The following CHRD variants were observed in gnomAD, a reference collection of about 807,000 sequenced individuals.
CHRD encodes the protein chordin.
CHRD carries 69 observed loss-of-function variants against 113.7 expected under a neutral mutation model. The observed-to-expected ratio is 0.61, with a 90% CI of 0.50 to 0.74. The LOEUF is 0.74. Among genes scored for constraint, CHRD ranks in the 30% least tolerant of loss-of-function variants. The pLI is 0.00. For missense variants in CHRD, 1,194 were observed against 1,295.8 expected, an observed-to-expected ratio of 0.92 and a Z score of 1.21; for synonymous variants, 561 against 540.8, an observed-to-expected ratio of 1.04 and a Z score of -0.52.
Position 184,387,023 on chromosome 3 carries a change from T to A in CHRD, c.2291-28T>A, listed in dbSNP as rs1560311546. ...GGAGGGAATGAGGGTGGTCACTCTC[T>A]GCTTTCACCATTTCTTTGGCTCCAC... On this transcript the variant is annotated intron_variant, in intron 17 of 22. Transcript: ENST00000204604. The surrounding 1 kb of genome is among the most constrained non-coding windows in gnomAD (Gnocchi z 6.1). The A allele has an allele frequency of 6.2e-7, 1 of 1,614,070 alleles. No homozygotes were observed. Among genetic ancestry groups the A allele is most frequent in the Non-Finnish European group, 8.5e-7 (1 of 1,179,920 alleles).
In CHRD at chr3:184,388,505, AACGTG is replaced by A; in HGVS notation, c.2555-81_2555-77del. On this transcript the variant is annotated intron_variant, in intron 20 of 22. Transcript: ENST00000204604. This position sits in a 1 kb window ranked among gnomAD's most constrained non-coding sequence, Gnocchi z 6.1. The stretch of plus-strand genomic sequence containing the variant: ...TCACCTACTAAGTGCCAGAAACTGC[AACGTG>A]CTGGGTATTCAAAGAGAATACTCAT... 1 of 1,476,946 alleles carries A rather than the reference AACGTG, an allele frequency of 6.8e-7. No homozygotes were observed. Among genetic ancestry groups the A allele is most frequent in the Admixed American group, 2.2e-5 (1 of 46,280 alleles). 91.5% of individuals were successfully genotyped at this position (1,476,946 alleles called of 1,614,324 possible).
chr3:184,386,011 G>A (rs765577055), intron 14 of CHRD, 35 bp from the exon 15 acceptor site: 1 of 1,606,314 alleles, frequency 6.2e-7, no homozygotes, highest in Non-Finnish European at 8.5e-7. Flanking sequence ...GCCCTAAAGT[G>A]CCTTATTCCT....
chr3:184,380,616 G>GC lies in CHRD; in HGVS notation c.149-76_149-75insC. 1 of 1,246,846 alleles carries GC rather than the reference G, an allele frequency of 8.0e-7. No individual in the cohort carries two copies. The highest frequency in any genetic ancestry group is 1.0e-6 in the Non-Finnish European group (1 of 959,046). The allele number at this position is 1,246,846 out of a possible 1,614,324, so 77.2% of individuals were successfully genotyped here. A position where few individuals can be genotyped will look rare whatever the true frequency, so the allele number is the denominator to read the frequency against. On this transcript the variant is annotated intron_variant, in intron 1 of 22. Transcript: ENST00000204604. The surrounding 1 kb of genome is among the most constrained non-coding windows in gnomAD (Gnocchi z 6.3). ...CAGAAGGGCGCGGTGCCTGGGACCC[G>GC]GGACCCGCGGGCAGCCCCCGGGGCG... is the stretch of plus-strand genomic sequence containing the variant.
In CHRD at chr3:184,381,205, A is replaced by G. The variant is rs368192345; in HGVS notation, c.253-30A>G. On this transcript the variant is annotated intron_variant, in intron 2 of 22. Transcript: ENST00000204604. This position sits in a 1 kb window ranked among gnomAD's most constrained non-coding sequence, Gnocchi z 4.7. ...TCTCATCAGTTGGCATCTTGCACTC[A>G]CTTGGGTTTCCCGCCTTTTCCGGGA... The G allele has an allele frequency of 6.2e-7, 1 of 1,612,210 alleles. No individual in the cohort carries two copies. The highest frequency in any genetic ancestry group is 1.3e-5 in the African/African-American group (1 of 74,870).
rs1423789540 is a variant in CHRD, at chr3:184,388,926, T to C, written c.2743T>C (p.Ser915Pro). 4 of 1,613,306 alleles carry C rather than the reference T, an allele frequency of 2.5e-6. No individual in the cohort carries two copies. Among genetic ancestry groups the C allele is most frequent in the East Asian group, 4.5e-5 (2 of 44,886 alleles). ...GCCTCACTGTGAGCGGGATGACTGT[T>C]CACTGCCACTGTCCTGTGGCTCGGG... is the stretch of plus-strand genomic sequence containing the variant. Residue 915 changes from serine (S) to proline (P), a missense_variant, in exon 22 of 23, where the codon TCA (serine) becomes CCA (proline). By Grantham distance (74) the Ser-to-Pro change is moderately conservative. Coordinates refer to ENST00000204604, the Ensembl canonical transcript of CHRD. This position sits in a 1 kb window ranked among gnomAD's most constrained non-coding sequence, Gnocchi z 6.1.
Position 184,388,919 on chromosome 3 carries a change from T to G in CHRD, c.2736T>G (p.Asp912Glu), listed in dbSNP as rs1170303333. Residue 912 changes from aspartate (D) to glutamate (E), a missense_variant, in exon 22 of 23, where the codon GAT (aspartate) becomes GAG (glutamate). By Grantham distance (45) the Asp-to-Glu change is conservative. Transcript: ENST00000204604. The surrounding 1 kb of genome is among the most constrained non-coding windows in gnomAD (Gnocchi z 6.1). Reference sequence around the variant, plus strand: ...CAGGGGTGCCTCACTGTGAGCGGGATGACTGTTCACTGCCACTGTCCTGTG... The same window carrying G: ...CAGGGGTGCCTCACTGTGAGCGGGAGGACTGTTCACTGCCACTGTCCTGTG... 1.9e-6 allele frequency: 3 copies of G among 1,613,304 alleles called. No individual in the cohort carries two copies. The Admixed American group carries it at 5.0e-5, about 27-fold the overall frequency.
rs148262081 is a variant in CHRD at position 184,383,628 on chromosome 3, C to T, written c.1426C>T (p.Pro476Ser). Residue 476 changes from proline to serine, a missense_variant, in exon 12 of 23, where the codon CCA becomes TCA. Transcript: ENST00000204604. ...CCTGTGCCACATGGCTGGACTCCAG[C>T]CAGGAGGACACACGGTGAGGGCTCC... 585 of 1,611,500 alleles carry T rather than the reference C, an allele frequency of 3.6e-4. 2 individuals are homozygous for T. In the African/African-American group the frequency reaches 7.1e-3, roughly 19 times the overall value.
In CHRD at chr3:184,381,317, G is replaced by T; in HGVS notation, c.335G>T (p.Gly112Val). ...CCAGAGTGCCCAACCCCGGCCTGTG[G>T]GCAGCCGCGCCAGCTGCCGGGACAC... The change falls in exon 3 of 23, where the codon GGG becomes GTG. Residue 112 changes from glycine to valine, a missense_variant. Physicochemically the swap from Gly to Val is moderately radical, Grantham distance 109 (BLOSUM62 -3). Coordinates refer to ENST00000204604, the Ensembl canonical transcript of CHRD. The surrounding 1 kb of genome is among the most constrained non-coding windows in gnomAD (Gnocchi z 4.7). The T allele has an allele frequency of 6.2e-7, 1 of 1,609,144 alleles. No individual in the cohort carries two copies. Among genetic ancestry groups the T allele is most frequent in the Non-Finnish European group, 8.5e-7 (1 of 1,178,302 alleles).
intron 14 of CHRD, among the ~76,000 whole-genome samples, chr3:184,385,453 G>A (rs1716127572): frequency 6.6e-6 from 1 of 152,070 alleles, no homozygotes; most frequent in Non-Finnish European, 1.5e-5. Context: ...GATCACCTGA[G>A]GTAGGAAGCT....
Position 184,387,552 on chromosome 3 carries a change from GA to G in CHRD, c.2451+77del. The G allele has an allele frequency of 7.3e-7, 1 of 1,362,972 alleles. No individual in the cohort carries two copies. The highest frequency in any genetic ancestry group is 9.9e-7 in the Non-Finnish European group (1 of 1,008,424). The allele number at this position is 1,362,972 out of a possible 1,614,324, so 84.4% of individuals were successfully genotyped here. The stretch of plus-strand genomic sequence containing the variant: ...AGATGGGGAGGGGCTGCCAGGTGAG[GA>G]AGGCCCGTCCTTGGTGAGGAGGGCT... On this transcript the variant is annotated intron_variant, in intron 19 of 22. Coordinates refer to ENST00000204604, the Ensembl canonical transcript of CHRD. This position sits in a 1 kb window ranked among gnomAD's most constrained non-coding sequence, Gnocchi z 6.1.
Position 184,388,898 on chromosome 3 carries a change from G to A in CHRD, c.2715G>A (p.Gly905=). 2 of 1,612,826 alleles carry A rather than the reference G, an allele frequency of 1.2e-6. No individual in the cohort carries two copies. Among genetic ancestry groups the A allele is most frequent in the Non-Finnish European group, 8.5e-7 (1 of 1,179,474 alleles). Residue 905 remains glycine (G), a synonymous_variant, in exon 22 of 23, where the codon GGG becomes GGA. Coordinates refer to ENST00000204604, the Ensembl canonical transcript of CHRD. This position sits in a 1 kb window ranked among gnomAD's most constrained non-coding sequence, Gnocchi z 6.1. ...TCTGCTCTGTCTTGTACCAGGCAGG[G>A]GTGCCTCACTGTGAGCGGGATGACT...
exon 10 of CHRD, chr3:184,383,155 G>A (rs372119331): frequency 6.3e-7 from 1 of 1,595,830 alleles, no homozygotes; most frequent in African/African-American, 1.4e-5. Flanking sequence ...GCCAGGAAGA[G>A]CTGCGACGGT....
At chr3:184,382,932 A>G in exon 9 of CHRD, 1 of 1,614,044 alleles carries the variant, frequency 6.2e-7, no homozygotes, top group Non-Finnish European at 8.5e-7. Context: ...CCAATGTCTC[A>G]GCCCAGGTGA....
In CHRD at chr3:184,380,924, G is replaced by C. The variant is rs1715255704; in HGVS notation, c.252+129G>C. ...AGATGTTGGGGATATTTTTCTGGTG[G>C]AGGAAGGGGAATCAGCCCCTCCAAT... On this transcript the variant is annotated intron_variant, in intron 2 of 22. Coordinates refer to ENST00000204604, the Ensembl canonical transcript of CHRD. The surrounding 1 kb of genome is among the most constrained non-coding windows in gnomAD (Gnocchi z 6.3). The C allele has an allele frequency of 6.3e-6, 5 of 791,770 alleles. No individual in the cohort carries two copies. Among genetic ancestry groups the C allele is most frequent in the Non-Finnish European group, 2.1e-6 (1 of 475,330 alleles). The allele number at this position is 791,770 out of a possible 1,614,324, so 49.0% of individuals were successfully genotyped here. A position where few individuals can be genotyped will look rare whatever the true frequency, so the allele number is the denominator to read the frequency against.
At chr3:184,390,534 G>A (rs1716988496), downstream of CHRD, 1 of 151,820 alleles carries the variant, frequency 6.6e-6, no homozygotes, top group South Asian at 2.1e-4. Context: ...TCCAGCTTTT[G>A]GCTGTGCTTA....
At position 184,385,010 on chromosome 3, in the gene CHRD, G is replaced by C. The variant is rs756433183; in HGVS notation, c.1598-8G>C. 6.2e-7 allele frequency: 1 copy of C among 1,613,268 alleles called. No individual in the cohort carries two copies. The highest frequency in any genetic ancestry group is 8.5e-7 in the Non-Finnish European group (1 of 1,179,684). ...CTCACCTGTCATCTCTCCTCTGTCT[G>C]GACCCAGCGCTGCCCGTGCCCCTAG... On this transcript the variant is annotated splice_region_variant and splice_polypyrimidine_tract_variant and intron_variant, in intron 13 of 22. Transcript: ENST00000204604.
exon 15 of CHRD, chr3:184,386,104 T>C (rs1414529177): frequency 6.2e-6 from 10 of 1,614,218 alleles, no homozygotes; most frequent in Admixed American, 1.7e-5. Flanking sequence ...GCAAAAGGCA[T>C]GGCCTCCCTG....
Position 184,380,538 on chromosome 3 carries a change from G to T in CHRD, c.148+72G>T. On this transcript the variant is annotated intron_variant, in intron 1 of 22. Transcript: ENST00000204604. This position sits in a 1 kb window ranked among gnomAD's most constrained non-coding sequence, Gnocchi z 6.3. ...GCGAGTCAGCGCCAGCCCGGAGGGG[G>T]CGCGGGGCGCAGGTGGCTCGGCGCG... 5 of 1,069,180 alleles carry T rather than the reference G, an allele frequency of 4.7e-6. No homozygotes were observed. Among genetic ancestry groups the T allele is most frequent in the Non-Finnish European group, 5.8e-6 (5 of 867,040 alleles). 66.2% of individuals were successfully genotyped at this position (1,069,180 alleles called of 1,614,324 possible).
downstream of CHRD, chr3:184,390,505 G>A (rs1716987542): frequency 6.6e-6 from 1 of 151,806 alleles, no homozygotes; most frequent in East Asian, 2.0e-4. Context: ...GGGTCAGAGT[G>A]GATTGGAATC....
Sources: allele counts gnomAD v4.1 joint callset (sites outside exome capture counted in the v4.1 genomes callset), GRCh38; gene constraint gnomAD v4.1.1; non-coding constraint Gnocchi (gnomAD v3.1); transcripts MANE v1.5; gene names NCBI Gene and HGNC (gene_info 2026-07-23, HGNC 2026-07-21).